The following SCAPER variants were observed in gnomAD, a reference collection of about 807,000 sequenced individuals.
SCAPER encodes S-phase cyclin A associated protein in the ER, also known as S phase cyclin A-associated protein in the endoplasmic reticulum.
SCAPER carries 98 observed loss-of-function variants against 182.2 expected under a neutral mutation model. The ratio of observed to expected loss-of-function variants is 0.54; its 90% CI spans 0.46 to 0.64. The LOEUF is 0.64. Among genes scored for constraint, SCAPER ranks in the 30% least tolerant of loss-of-function variants. The probability of loss-of-function intolerance (pLI) is 0.00; values close to 1 mark genes in which losing one functional copy is unlikely to be tolerated. For synonymous variants in SCAPER, 605 were observed against 564.6 expected (o/e 1.07, Z -1.01); for missense variants, 1,432 against 1,690.0 (o/e 0.85, Z 2.68).
intron 17 of SCAPER, among the ~76,000 whole-genome samples, chr15:76,727,464 T>C (rs2060662472): frequency 6.6e-6 from 1 of 152,064 alleles, no homozygotes; most frequent in Non-Finnish European, 1.5e-5. Flanking sequence ...TGGCTTATGT[T>C]AGAAAGCCTT....
chr15:76,402,236 G>C (rs2044513729), intron 27 of SCAPER, among the ~76,000 whole-genome samples: 1 of 152,192 alleles, frequency 6.6e-6, no homozygotes, highest in South Asian at 2.1e-4. Context: ...CTGAACATTA[G>C]GGAAGTGGGG....
chr15:76,547,459 A>G (rs1198405860), intron 23 of SCAPER, among the ~76,000 whole-genome samples: 1 of 152,126 alleles, frequency 6.6e-6, no homozygotes, highest in Non-Finnish European at 1.5e-5. Flanking sequence ...TTGGTATCCA[A>G]CTTTGTTTAT....
chr15:76,646,796 CAT>C (rs1187363863), intron 21 of SCAPER, among the ~76,000 whole-genome samples: 3 of 152,196 alleles, frequency 2.0e-5, no homozygotes, highest in African/African-American at 7.2e-5. Context: ...TTTTAGAACA[CAT>C]ATCCAGTTTA....
intron 1 of SCAPER, among the ~76,000 whole-genome samples, chr15:76,888,417 A>G (rs1047774556): frequency 6.6e-6 from 1 of 152,186 alleles, no homozygotes; most frequent in Non-Finnish European, 1.5e-5. Context: ...AAGGAAGCTC[A>G]AAAACCTTGA....
At chr15:76,711,745 G>C (rs2059583603) in intron 17 of SCAPER, among the ~76,000 whole-genome samples, 2 of 152,172 alleles carry the variant, frequency 1.3e-5, no homozygotes, top group South Asian at 4.1e-4. Flanking sequence ...CTTTTGAGAA[G>C]TGTCTGTTCA....
intron 23 of SCAPER, among the ~76,000 whole-genome samples, chr15:76,516,336 T>C (rs549365931): frequency 2.0e-5 from 3 of 152,108 alleles, no homozygotes; most frequent in African/African-American, 7.2e-5. Context: ...CATTTGGTAT[T>C]TCTCTTAATG....
chr15:76,437,663 T>C (rs1953047784), intron 25 of SCAPER, among the ~76,000 whole-genome samples: 1 of 152,246 alleles, frequency 6.6e-6, no homozygotes, highest in African/African-American at 2.4e-5. Flanking sequence ...CATCATGAAG[T>C]ATTTCAAATA....
rs561410492 is a variant in SCAPER at position 76,409,853 on chromosome 15, G to A, written c.3312-5174C>T. Among the ~76,000 whole-genome samples the A allele has an allele frequency of 5.9e-5, 9 of 152,184 alleles. No homozygotes were observed. The South Asian group carries it at 1.9e-3, about 32-fold the overall frequency. On this transcript the variant is annotated intron_variant, in intron 26 of 31. Coordinates refer to ENST00000563290, the MANE Select transcript of SCAPER (RefSeq NM_020843.4). Reference sequence around the variant, plus strand: ...GTCTCACTCTGCTGCCCAGGCTGGAGTATAGTGATGCAATCATGGCTCACT... The same window carrying A: ...GTCTCACTCTGCTGCCCAGGCTGGAATATAGTGATGCAATCATGGCTCACT...
chr15:76,402,843 T>G (rs1157438952), intron 27 of SCAPER, among the ~76,000 whole-genome samples: 1 of 152,056 alleles, frequency 6.6e-6, no homozygotes, highest in East Asian at 1.9e-4. Context: ...AGGACCTCAT[T>G]CAAGTCAGTT....
chr15:76,729,295 TAC>T (rs57440824), intron 16 of SCAPER, among the ~76,000 whole-genome samples: 9,424 of 143,934 alleles, frequency 0.065, 303 homozygotes, highest in African/African-American at 0.081. Context: ...TATATACACA[TAC>T]ACACACACAC....
intron 20 of SCAPER, among the ~76,000 whole-genome samples, chr15:76,666,092 TATC>T (rs1260458665): frequency 1.3e-5 from 2 of 152,106 alleles, no homozygotes; most frequent in African/African-American, 4.8e-5. Context: ...AAAACTATAA[TATC>T]ATCTATAATA....
intron 2 of SCAPER, among the ~76,000 whole-genome samples, chr15:76,873,164 T>C (rs982685255): frequency 3.3e-5 from 5 of 151,054 alleles, no homozygotes; most frequent in Non-Finnish European, 7.4e-5. Flanking sequence ...GGTGGGAGGA[T>C]TACCTGAAAC....
At chr15:76,379,390 A>G (rs2042786140) in intron 28 of SCAPER, among the ~76,000 whole-genome samples, 1 of 152,234 alleles carries the variant, frequency 6.6e-6, no homozygotes, top group Non-Finnish European at 1.5e-5. Flanking sequence ...AGAACCAGTC[A>G]AGAAAGGACA....
intron 23 of SCAPER, among the ~76,000 whole-genome samples, chr15:76,546,842 T>G (rs1406615053): frequency 6.6e-6 from 1 of 152,140 alleles, no homozygotes; most frequent in Non-Finnish European, 1.5e-5. Flanking sequence ...TGGCATACAG[T>G]GGATAGTTCA....
chr15:76,811,039 T>C (rs1324300507), intron 5 of SCAPER, among the ~76,000 whole-genome samples: 1 of 149,510 alleles, frequency 6.7e-6, no homozygotes, highest in Non-Finnish European at 1.5e-5. Flanking sequence ...AAGCAAATAC[T>C]GATGGATCTG....
chr15:76,731,096 G>T (rs1195135703), intron 16 of SCAPER, among the ~76,000 whole-genome samples: 2 of 152,112 alleles, frequency 1.3e-5, no homozygotes, highest in African/African-American at 4.8e-5. Context: ...AAAGGGTAGG[G>T]ATTTCTAAAT....
chr15:76,745,289 A>T (rs1567994456), intron 15 of SCAPER, among the ~76,000 whole-genome samples: 1 of 152,084 alleles, frequency 6.6e-6, no homozygotes, highest in East Asian at 1.9e-4. Context: ...AAAAATAAAA[A>T]AATAAAAAAA....
intron 28 of SCAPER, among the ~76,000 whole-genome samples, chr15:76,379,008 C>G (rs1187926399): frequency 6.6e-6 from 1 of 152,180 alleles, no homozygotes; most frequent in Non-Finnish European, 1.5e-5. Context: ...TAAGCCCCAT[C>G]TGAATTCTGA....
intron 21 of SCAPER, among the ~76,000 whole-genome samples, chr15:76,657,084 T>C (rs187860620): frequency 6.6e-6 from 1 of 152,022 alleles, no homozygotes; most frequent in Admixed American, 6.6e-5. Context: ...GAAAAAATCA[T>C]GCAAATGACC....
Sources: gnomAD v4.1 joint callset for allele counts (sites outside exome capture counted in the v4.1 genomes callset) on GRCh38, gnomAD v4.1.1 for gene constraint, MANE v1.5 for transcripts, NCBI Gene and HGNC (gene_info 2026-07-23, HGNC 2026-07-21) for gene names.